The following CADM4 variants were observed in gnomAD, a reference collection of about 807,000 sequenced individuals.
The protein encoded by CADM4 is TSLC1-like 2.
CADM4 carries 13 observed loss-of-function variants against 43.9 expected under a neutral mutation model. That is an observed-to-expected ratio of 0.30 (90% CI 0.19 to 0.47). The LOEUF (loss-of-function observed/expected upper bound fraction) is 0.47, where lower values mean the gene tolerates loss of function less well. CADM4 is among the 20% of genes least tolerant of loss of function. The probability of loss-of-function intolerance (pLI) is 1.00; values close to 1 mark genes in which losing one functional copy is unlikely to be tolerated. For missense variants in CADM4, 420 were observed against 527.0 expected, an observed-to-expected ratio of 0.80 and a Z score of 1.99; for synonymous variants, 209 against 220.9, an observed-to-expected ratio of 0.95 and a Z score of 0.48.
chr19:43,632,737 G>C (rs907225625), intron 1 of CADM4, among the ~76,000 whole-genome samples: 15 of 151,968 alleles, frequency 9.9e-5, no homozygotes, highest in African/African-American at 3.4e-4. Context: ...TTCTCAGAGA[G>C]GCCTTCCCTC....
In CADM4 at chr19:43,623,354, CTT is replaced by C. The variant is rs1568539170; in HGVS notation, c.1141_1142del (p.Lys381GlufsTer16). 1 of 1,614,122 alleles carries C rather than the reference CTT, an allele frequency of 6.2e-7. No individual in the cohort carries two copies. Among genetic ancestry groups the C allele is most frequent in the African/African-American group, 1.3e-5 (1 of 75,052 alleles). ...EAFLNGSDGHKRKEEFFI is the reference protein window; with the variant it reads ...EAFLNGSDGHXRKEEFFI Reference sequence around the variant, plus strand: ...GTCAGATGAAGAATTCCTCTTTCCTCTTGTGTCCGTCGCTGCCATTGAGGAAG... The same window carrying C: ...GTCAGATGAAGAATTCCTCTTTCCTCGTGTCCGTCGCTGCCATTGAGGAAG... On this transcript the variant is annotated frameshift_variant, in exon 9 of 9. Coordinates refer to ENST00000222374, the MANE Select transcript of CADM4 (RefSeq NM_145296.2). LOFTEE classifies it high-confidence loss of function. This position sits in a 1 kb window ranked among gnomAD's most constrained non-coding sequence, Gnocchi z 4.4.
At chr19:43,628,570 C>T (rs188670079) in intron 1 of CADM4, among the ~76,000 whole-genome samples, 1 of 152,330 alleles carries the variant, frequency 6.6e-6, no homozygotes, top group East Asian at 1.9e-4. Flanking sequence ...GTAATATTCT[C>T]CTGTCCCTGG....
At chr19:43,634,106 G>A (rs571352269) in intron 1 of CADM4, among the ~76,000 whole-genome samples, 1 of 152,296 alleles carries the variant, frequency 6.6e-6, no homozygotes, top group East Asian at 1.9e-4. Flanking sequence ...CTGTGGGCAA[G>A]TGACCTTACC....
Position 43,627,910 on chromosome 19 carries a change from T to C in CADM4, c.65-120A>G. 2 of 996,990 alleles carry C rather than the reference T, an allele frequency of 2.0e-6. No homozygotes were observed. The highest frequency in any genetic ancestry group is 1.5e-6 in the Non-Finnish European group (1 of 659,936). 61.8% of individuals were successfully genotyped at this position (996,990 alleles called of 1,614,324 possible). Reference sequence around the variant, plus strand: ...CCTCTCTTTCCCCTCATTCATTCCATTGCACTGAACATTTCCTGCAGGCTA... The same window carrying C: ...CCTCTCTTTCCCCTCATTCATTCCACTGCACTGAACATTTCCTGCAGGCTA... On this transcript the variant is annotated intron_variant, in intron 1 of 8. Coordinates refer to ENST00000222374, the MANE Select transcript of CADM4 (RefSeq NM_145296.2). The surrounding 1 kb of genome is among the most constrained non-coding windows in gnomAD (Gnocchi z 4.0).
rs1052794296 is a variant in CADM4 at position 43,625,111 on chromosome 19, G to A, written c.895C>T (p.His299Tyr). The A allele has an allele frequency of 2.5e-6, 4 of 1,610,792 alleles. No individual in the cohort carries two copies. The African/African-American group carries it at 4.0e-5, about 16-fold the overall frequency. Residue 299 changes from histidine to tyrosine, a missense_variant, in exon 7 of 9, where the codon CAT becomes TAT. Physicochemically the swap from His to Tyr is moderately conservative, Grantham distance 83. Coordinates refer to ENST00000222374, the MANE Select transcript of CADM4 (RefSeq NM_145296.2). The surrounding 1 kb of genome is among the most constrained non-coding windows in gnomAD (Gnocchi z 4.5). ...ACAAGTACGTAGAGCGCCCTCGCAT[G>A]GCCGTGCTTATTGGACGCCTCGCAA... Reference protein sequence around the residue: ...YTCEASNKHGHARALYVLVVY... With the variant: ...YTCEASNKHGYARALYVLVVY...
rs374847122 is a variant in CADM4 at position 43,626,110 on chromosome 19, C to T, written c.664+14G>A. The T allele has an allele frequency of 2.5e-6, 4 of 1,613,264 alleles. No individual in the cohort carries two copies. In the East Asian group the frequency reaches 6.7e-5, roughly 27 times the overall value. Reference sequence around the variant, plus strand: ...CGTTGGGATCCCTTGGGTCCTGGCCCGCCGGTCACTTACACTGCACATCCA... The same window carrying T: ...CGTTGGGATCCCTTGGGTCCTGGCCTGCCGGTCACTTACACTGCACATCCA... On this transcript the variant is annotated intron_variant, in intron 5 of 8. Coordinates refer to ENST00000222374, the MANE Select transcript of CADM4 (RefSeq NM_145296.2). The surrounding 1 kb of genome is among the most constrained non-coding windows in gnomAD (Gnocchi z 5.9).
At position 43,625,042 on chromosome 19, in the gene CADM4, C is replaced by CCCCCCCCCCCCCCCTGG; in HGVS notation, c.928+35_928+36insCCAGGGGGGGGGGGGGG. 7.2e-7 allele frequency: 1 copy of CCCCCCCCCCCCCCCTGG among 1,387,272 alleles called. No individual in the cohort carries two copies. 85.9% of individuals were successfully genotyped at this position (1,387,272 alleles called of 1,614,324 possible). A position where few individuals can be genotyped will look rare whatever the true frequency, so the allele number is the denominator to read the frequency against. The stretch of plus-strand genomic sequence containing the variant: ...GCCCCGCCCCCGCCACCTGGCGCCC[C>CCCCCCCCCCCCCCCTGG]GCCCCCGCCCTCAGTCGGCCGCAGC... On this transcript the variant is annotated intron_variant, in intron 7 of 8. Transcript: ENST00000222374. The surrounding 1 kb of genome is among the most constrained non-coding windows in gnomAD (Gnocchi z 4.5).
chr19:43,627,075 TA>T lies in CADM4; in HGVS notation c.364+90del, dbSNP rs1766316020. 6.7e-7 allele frequency: 1 copy of T among 1,495,058 alleles called. No individual in the cohort carries two copies. Among genetic ancestry groups the T allele is most frequent in the African/African-American group, 1.4e-5 (1 of 71,230 alleles). The allele number at this position is 1,495,058 out of a possible 1,614,324, so 92.6% of individuals were successfully genotyped here. ...GGAGCCAGATGCCCATCCAGGATGT[TA>T]AAAATAGCCATGGTCTGAAAGTCTC... On this transcript the variant is annotated intron_variant, in intron 3 of 8. Coordinates refer to ENST00000222374, the MANE Select transcript of CADM4 (RefSeq NM_145296.2). This position sits in a 1 kb window ranked among gnomAD's most constrained non-coding sequence, Gnocchi z 4.0.
intron 1 of CADM4, among the ~76,000 whole-genome samples, chr19:43,639,188 A>T (rs1973739121): frequency 6.6e-6 from 1 of 151,546 alleles, no homozygotes; most frequent in Non-Finnish European, 1.5e-5. Context: ...GGGAAAGAGA[A>T]TAGACAGGAT....
At chr19:43,639,151 G>C (rs541785247) in intron 1 of CADM4, among the ~76,000 whole-genome samples, 1 of 151,944 alleles carries the variant, frequency 6.6e-6, no homozygotes, top group African/African-American at 2.4e-5. Context: ...CCAAGAATAG[G>C]GGCAGAGAGG....
At chr19:43,639,572 C>G (rs1010318574) in intron 1 of CADM4, among the ~76,000 whole-genome samples, 155 bp downstream of exon 1, 3 of 150,270 alleles carry the variant, frequency 2.0e-5, no homozygotes, top group Admixed American at 2.0e-4. Context: ...TCGTCGCTCC[C>G]GGCTCCCGGC....
chr19:43,626,104 C>T lies in CADM4; in HGVS notation c.664+20G>A, dbSNP rs1196348141. ...GGCTGGCGTTGGGATCCCTTGGGTCCTGGCCCGCCGGTCACTTACACTGCA... is the reference window on the plus strand; with the variant it reads ...GGCTGGCGTTGGGATCCCTTGGGTCTTGGCCCGCCGGTCACTTACACTGCA... On this transcript the variant is annotated intron_variant, in intron 5 of 8. Coordinates refer to ENST00000222374, the MANE Select transcript of CADM4 (RefSeq NM_145296.2). This position sits in a 1 kb window ranked among gnomAD's most constrained non-coding sequence, Gnocchi z 5.9. 4 of 1,612,402 alleles carry T rather than the reference C, an allele frequency of 2.5e-6. No individual in the cohort carries two copies. Among genetic ancestry groups the T allele is most frequent in the Admixed American group, 3.3e-5 (2 of 59,772 alleles).
In CADM4 at chr19:43,623,003, A is replaced by T. The variant is rs1290179833; in HGVS notation, c.*327T>A. 2.2e-4 allele frequency: 3 copies of T among 13,854 alleles called. No individual in the cohort carries two copies. The highest frequency in any genetic ancestry group is 1.4e-3 in the African/African-American group (3 of 2,220). The allele number at this position is 13,854 out of a possible 1,614,324, so 0.9% of individuals were successfully genotyped here. On this transcript the variant is annotated 3_prime_UTR_variant, in exon 9 of 9. Coordinates refer to ENST00000222374, the MANE Select transcript of CADM4 (RefSeq NM_145296.2). This position sits in a 1 kb window ranked among gnomAD's most constrained non-coding sequence, Gnocchi z 4.4. ...TCCCAGAAACTGACCCCCTCCCCAC[A>T]AGACCTGGTTTTGTAGCCTAGGGGC... is the stretch of plus-strand genomic sequence containing the variant.
intron 1 of CADM4, among the ~76,000 whole-genome samples, chr19:43,632,684 G>A: frequency 6.6e-6 from 1 of 152,006 alleles, no homozygotes. Context: ...TCTTCCCAGG[G>A]CTGACTCCTG....
upstream of CADM4, chr19:43,639,914 G>A: frequency 1.3e-6 from 1 of 753,988 alleles, no homozygotes; most frequent in Non-Finnish European, 1.6e-6. Context: ...AGGCCGGGGC[G>A]GGGCCGGGGA....
Position 43,639,831 on chromosome 19 carries a change from G to GCACCTGCAC in CADM4, c.-50_-42dup, listed in dbSNP as rs1318052514. On this transcript the variant is annotated 5_prime_UTR_variant, in exon 1 of 9. Coordinates refer to ENST00000222374, the MANE Select transcript of CADM4 (RefSeq NM_145296.2). ...GCCGCCGCCGCTCGCTCCCGGCCCGGCACCTGCACCGCCCGCGCCGCCCGC... is the reference window on the plus strand; with the variant it reads ...GCCGCCGCCGCTCGCTCCCGGCCCGGCACCTGCACCACCTGCACCGCCCGCGCCGCCCGC... 1 of 978,172 alleles carries GCACCTGCAC rather than the reference G, an allele frequency of 1.0e-6. No homozygotes were observed. The highest frequency in any genetic ancestry group is 1.2e-6 in the Non-Finnish European group (1 of 827,332). 60.6% of individuals were successfully genotyped at this position (978,172 alleles called of 1,614,324 possible).
At chr19:43,624,412 G>T (rs1283347515) in intron 7 of CADM4, among the ~76,000 whole-genome samples, 170 bp from the exon 8 acceptor site, 1 of 152,168 alleles carries the variant, frequency 6.6e-6, no homozygotes, top group Non-Finnish European at 1.5e-5. Context: ...CCAGATGCTT[G>T]TTGGTTTGTA....
At chr19:43,641,923 G>A (rs1463657663), upstream of CADM4, among the ~76,000 whole-genome samples, 4 of 152,158 alleles carry the variant, frequency 2.6e-5, no homozygotes, top group African/African-American at 9.7e-5. Context: ...TCCTGCTCCA[G>A]CTGAAGGGGA....
intron 1 of CADM4, among the ~76,000 whole-genome samples, chr19:43,633,717 GT>G (rs1328275187): frequency 6.8e-6 from 1 of 146,910 alleles, no homozygotes; most frequent in Admixed American, 6.8e-5. Context: ...GTCTCGCTCT[GT>G]CACCCAGGCT....
Sources: allele counts gnomAD v4.1 joint callset (sites outside exome capture counted in the v4.1 genomes callset), GRCh38; gene constraint gnomAD v4.1.1; non-coding constraint Gnocchi (gnomAD v3.1); transcripts MANE v1.5; gene names NCBI Gene and HGNC (gene_info 2026-07-23, HGNC 2026-07-21).